TPTE2: variants seen among roughly 807,000 people sequenced by gnomAD.
The protein encoded by TPTE2 is phosphatidylinositol 3,4,5-trisphosphate 3-phosphatase TPTE2.
A neutral mutation model predicts 78.6 loss-of-function variants in TPTE2; 53 were observed. That is an observed-to-expected ratio of 0.67 (90% CI 0.54 to 0.85). The LOEUF (loss-of-function observed/expected upper bound fraction) is 0.85, where lower values mean the gene tolerates loss of function less well. TPTE2 is among the 40% of genes least tolerant of loss of function. The pLI, the probability that TPTE2 is intolerant of heterozygous loss-of-function variation, is 0.00. For missense variants in TPTE2, 461 were observed against 623.0 expected (o/e 0.74, Z 2.77); for synonymous variants, 175 against 206.2 (o/e 0.85, Z 1.30).
At chr13:19,423,064 A>C (rs1875721848) in exon 20 of TPTE2, 2 of 1,612,506 alleles carry the variant, frequency 1.2e-6, no homozygotes, top group Middle Eastern at 1.7e-4. Context: ...ATTGGAAGTC[A>C]TTTCTCGCCA....
the TPTE2 span, among the ~76,000 whole-genome samples, chr13:19,550,160 T>TA: frequency 1.5e-3 from 207 of 140,528 alleles, 1 homozygote; most frequent in African/African-American, 4.8e-3. Context: ...AAGTTGGAAA[T>TA]AAAAAAAAAA....
At chr13:19,544,504 T>A in the TPTE2 span, among the ~76,000 whole-genome samples, 1 of 152,146 alleles carries the variant, frequency 6.6e-6, no homozygotes, top group Non-Finnish European at 1.5e-5. Context: ...AAAAATAAGT[T>A]CTAGATAGAT....
At chr13:19,436,914 TAGA>T (rs937904297) in intron 14 of TPTE2, among the ~76,000 whole-genome samples, 6 of 152,108 alleles carry the variant, frequency 3.9e-5, no homozygotes, top group Non-Finnish European at 7.4e-5. Context: ...TGCAGCCAGT[TAGA>T]AGAAGCACAG....
the TPTE2 span, among the ~76,000 whole-genome samples, chr13:19,550,333 C>T: frequency 6.6e-6 from 1 of 152,108 alleles, no homozygotes; most frequent in Non-Finnish European, 1.5e-5. Context: ...AATTTTGATG[C>T]TCTTAAGTGT....
intron 13 of TPTE2, among the ~76,000 whole-genome samples, chr13:19,441,610 C>A (rs1386649528): frequency 6.6e-6 from 1 of 152,134 alleles, no homozygotes; most frequent in Non-Finnish European, 1.5e-5. Context: ...TAACATTCAG[C>A]CTGCACCTGT....
intron 13 of TPTE2, chr13:19,438,515 A>G (rs1877271471): frequency 1.2e-6 from 1 of 814,322 alleles, no homozygotes. Context: ...AACTGATTCC[A>G]AAATTGCACA....
intron 10 of TPTE2, among the ~76,000 whole-genome samples, chr13:19,455,089 A>G (rs1294184141): frequency 6.6e-6 from 1 of 152,184 alleles, no homozygotes; most frequent in Non-Finnish European, 1.5e-5. Flanking sequence ...ATAGTTTGAA[A>G]CAATTTTCAA....
At chr13:19,487,809 A>C (rs1003435011) in intron 3 of TPTE2, among the ~76,000 whole-genome samples, 2 of 152,164 alleles carry the variant, frequency 1.3e-5, no homozygotes, top group Non-Finnish European at 2.9e-5. Context: ...CTGCAGCTTA[A>C]GTCTCTGGGG....
At chr13:19,528,311 C>T (rs1268899280) in intron 1 of TPTE2, among the ~76,000 whole-genome samples, 3 of 151,360 alleles carry the variant, frequency 2.0e-5, no homozygotes, top group Non-Finnish European at 4.4e-5. Context: ...CGCTTGAATC[C>T]AAGAGGCGGA....
chr13:19,492,893 T>C (rs1881082022), exon 3 of TPTE2: 1 of 1,613,982 alleles, frequency 6.2e-7, no homozygotes, highest in East Asian at 2.2e-5. Flanking sequence ...TTAAATTCAC[T>C]TGTGTGTGGG....
Position 19,464,552 on chromosome 13 carries a change from T to C in TPTE2, c.677-32A>G, listed in dbSNP as rs768937901. The C allele has an allele frequency of 2.5e-6, 4 of 1,595,514 alleles. No individual in the cohort carries two copies. The African/African-American group carries it at 5.5e-5, about 22-fold the overall frequency. On this transcript the variant is annotated intron_variant, in intron 9 of 19. Transcript: ENST00000400230. ...GTCAAAATCATCACTATTACAAACA[T>C]TATTATAGATTTCATATAACACAAA...
At chr13:19,514,016 G>A (rs1288704710) in intron 1 of TPTE2, among the ~76,000 whole-genome samples, 1 of 152,102 alleles carries the variant, frequency 6.6e-6, no homozygotes, top group South Asian at 2.1e-4. Flanking sequence ...CACCAGCTCT[G>A]AAGGGTGAGG....
chr13:19,530,962 A>C (rs7325752), intron 1 of TPTE2, among the ~76,000 whole-genome samples: 123,598 of 152,110 alleles, frequency 0.81, 52,305 homozygotes, highest in East Asian at 0.97. Flanking sequence ...ACTTTTAAAA[A>C]AATTATCCCA....
chr13:19,456,627 A>G lies in TPTE2; in HGVS notation c.742-5402T>C, dbSNP rs149234342. 2.5e-3 allele frequency among the ~76,000 whole-genome samples: 379 copies of G among 152,332 alleles called. 1 individual carries two copies. Among genetic ancestry groups the G allele is most frequent in the African/African-American group, 8.8e-3 (364 of 41,572 alleles). On this transcript the variant is annotated intron_variant, in intron 10 of 19. Transcript: ENST00000400230. The stretch of plus-strand genomic sequence containing the variant: ...AAAGTTGTAAAACCTGTACACTGCA[A>G]ACATTGCTAAAAGAAATCAAAGAAG...
chr13:19,464,603 C>A, intron 9 of TPTE2, 83 bp from the exon 13 acceptor site: 1 of 1,459,380 alleles, frequency 6.9e-7, no homozygotes, highest in Non-Finnish European at 9.3e-7. Context: ...CATGATCAGA[C>A]TCCATTTTCA....
the TPTE2 span, among the ~76,000 whole-genome samples, chr13:19,553,177 T>G: frequency 6.6e-6 from 1 of 152,042 alleles, no homozygotes; most frequent in Non-Finnish European, 1.5e-5. Context: ...CTTAAATGCT[T>G]TTTATGCATT....
intron 15 of TPTE2, among the ~76,000 whole-genome samples, chr13:19,434,445 G>C (rs2137484633): frequency 6.6e-6 from 1 of 152,336 alleles, no homozygotes; most frequent in Admixed American, 6.5e-5. Context: ...TGTGGCTCTT[G>C]AGTGCCAGGT....
At chr13:19,537,555 AGTTTGTTTGTTT>A (rs3052827), upstream of TPTE2, among the ~76,000 whole-genome samples, 55 of 149,836 alleles carry the variant, frequency 3.7e-4, no homozygotes, top group Admixed American at 8.0e-4. Context: ...GATTTTTAGA[AGTTTGTTTGTTT>A]GTTTGTTTGT....
chr13:19,476,847 A>C (rs540431022), intron 4 of TPTE2, among the ~76,000 whole-genome samples: 1 of 152,222 alleles, frequency 6.6e-6, no homozygotes, highest in Non-Finnish European at 1.5e-5. Flanking sequence ...TTGACTGAGC[A>C]ATCCCATTAC....
Sources: allele counts gnomAD v4.1 joint callset (sites outside exome capture counted in the v4.1 genomes callset), GRCh38; gene constraint gnomAD v4.1.1; transcripts MANE v1.5; gene names NCBI Gene and HGNC (gene_info 2026-07-23, HGNC 2026-07-21).